The following KDM4C variants were observed in gnomAD, a reference collection of about 807,000 sequenced individuals.
KDM4C encodes lysine-specific demethylase 4C.
Under a neutral mutation model 129.3 loss-of-function variants are expected in KDM4C, and 81 were observed. The ratio of observed to expected loss-of-function variants is 0.63; its 90% CI spans 0.52 to 0.75. KDM4C has a LOEUF of 0.75. KDM4C is among the 30% of genes least tolerant of loss of function. The pLI is 0.00. For missense variants in KDM4C, 1,457 were observed against 1,304.0 expected (o/e 1.12, Z -1.81); for synonymous variants, 573 against 456.1 (o/e 1.26, Z -3.26).
intron 10 of KDM4C, 123 bp from the exon 11 acceptor site, chr9:6,986,221 A>G: frequency 7.8e-6 from 5 of 644,768 alleles, no homozygotes; most frequent in Non-Finnish European, 1.3e-5. Context: ...GTGTGCATGT[A>G]TGTGCATGCG....
chr9:6,901,172 A>G (rs1255629539), intron 8 of KDM4C, among the ~76,000 whole-genome samples: 1 of 152,196 alleles, frequency 6.6e-6, no homozygotes, highest in African/African-American at 2.4e-5. Flanking sequence ...GACGTTTGAG[A>G]GAAGCAGGCT....
intron 13 of KDM4C, among the ~76,000 whole-genome samples, chr9:7,012,388 C>G (rs1822874911): frequency 6.6e-6 from 1 of 152,122 alleles, no homozygotes; most frequent in Admixed American, 6.6e-5. Flanking sequence ...TTACTTTCAA[C>G]TTTTCTATCT....
rs370475585 is a variant in KDM4C at position 7,052,863 on chromosome 9, CAGAGAGAG to C, written c.2424+3694_2424+3701del. 4.1e-4 allele frequency among the ~76,000 whole-genome samples: 17 copies of C among 41,074 alleles called. 1 individual carries two copies. Among genetic ancestry groups the C allele is most frequent in the Non-Finnish European group, 4.2e-4 (8 of 18,994 alleles). 26.9% of individuals were successfully genotyped at this position (41,074 alleles called of 152,430 possible). ...CTAACCAGAGCTCTGGCCACACCTG[CAGAGAGAG>C]AGAGAGAGAGAGAGAGAGAGAGAGA... On this transcript the variant is annotated intron_variant, in intron 17 of 21. Transcript: ENST00000381309.
chr9:7,064,716 C>G (rs545233367), intron 17 of KDM4C, among the ~76,000 whole-genome samples: 2 of 151,964 alleles, frequency 1.3e-5, no homozygotes, highest in Admixed American at 1.3e-4. Context: ...CTCAGAAGAG[C>G]GATATGCTAG....
intron 17 of KDM4C, among the ~76,000 whole-genome samples, chr9:7,066,887 C>A (rs12002543): frequency 6.6e-6 from 1 of 152,108 alleles, no homozygotes; most frequent in African/African-American, 2.4e-5. Flanking sequence ...CCTCTTCTTA[C>A]GTTTCTCAAA....
At chr9:7,121,598 A>G (rs1839492127) in intron 18 of KDM4C, among the ~76,000 whole-genome samples, 1 of 152,126 alleles carries the variant, frequency 6.6e-6, no homozygotes, top group South Asian at 2.1e-4. Flanking sequence ...CAGTTTGGAA[A>G]TTTACCACAG....
At chr9:7,146,406 T>A (rs1842219834) in intron 19 of KDM4C, among the ~76,000 whole-genome samples, 1 of 152,238 alleles carries the variant, frequency 6.6e-6, no homozygotes, top group Non-Finnish European at 1.5e-5. Context: ...CCCCTAATTT[T>A]CCTTATCTAG....
intron 5 of KDM4C, among the ~76,000 whole-genome samples, chr9:6,852,548 C>T (rs146209664): frequency 2.3e-4 from 35 of 152,318 alleles, no homozygotes; most frequent in African/African-American, 7.7e-4. Flanking sequence ...CATGTGGGTG[C>T]GTGTGCACCA....
At chr9:7,162,869 T>A (rs929597869) in intron 19 of KDM4C, among the ~76,000 whole-genome samples, 14 of 151,996 alleles carry the variant, frequency 9.2e-5, no homozygotes, top group Non-Finnish European at 1.5e-4. Context: ...AAGGACCCAA[T>A]AAATAGCATG....
chr9:7,036,837 G>T (rs948351965), intron 15 of KDM4C, among the ~76,000 whole-genome samples: 1 of 152,148 alleles, frequency 6.6e-6, no homozygotes, highest in Non-Finnish European at 1.5e-5. Context: ...AGGGTCTAGA[G>T]CACATCATGG....
intron 8 of KDM4C, among the ~76,000 whole-genome samples, chr9:6,951,216 A>G (rs534387486): frequency 9.7e-4 from 146 of 149,834 alleles, no homozygotes; most frequent in South Asian, 2.3e-3. Context: ...TTGAAATTAT[A>G]TATTTCTATT....
intron 5 of KDM4C, among the ~76,000 whole-genome samples, chr9:6,860,498 A>G (rs1840724578): frequency 6.6e-6 from 1 of 152,236 alleles, no homozygotes; most frequent in South Asian, 2.1e-4. Flanking sequence ...TATCAGATAA[A>G]TAACTACTGG....
At chr9:6,721,234 T>G (rs1467050815) in intron 1 of KDM4C, 1 of 171,670 alleles carries the variant, frequency 5.8e-6, no homozygotes, top group Non-Finnish European at 1.1e-5. Context: ...CCACTATGCC[T>G]GGCTTTTTTT....
intron 8 of KDM4C, chr9:6,924,843 C>T (rs2185464): frequency 0.67 from 657,311 of 980,838 alleles, 221,462 homozygotes; most frequent in African/African-American, 0.69. Flanking sequence ...GAAAATAAGA[C>T]AGGCTGTCCA....
intron 1 of KDM4C, among the ~76,000 whole-genome samples, chr9:6,789,022 G>A (rs1826005889): frequency 6.6e-6 from 1 of 151,886 alleles, no homozygotes; most frequent in African/African-American, 2.4e-5. Context: ...ATAGTAGTTA[G>A]GTGAGGGCCA....
intron 19 of KDM4C, among the ~76,000 whole-genome samples, chr9:7,141,933 A>G (rs1209360616): frequency 6.6e-6 from 1 of 152,164 alleles, no homozygotes; most frequent in Non-Finnish European, 1.5e-5. Context: ...TGGATGTGTC[A>G]TCACACACAC....
intron 8 of KDM4C, 56 bp from the exon 9 acceptor site, chr9:6,980,869 G>T: frequency 1.4e-6 from 2 of 1,470,732 alleles, no homozygotes; most frequent in Non-Finnish European, 1.9e-6. Flanking sequence ...GACCAACTCT[G>T]TGTTACTGTA....
At position 7,049,173 on chromosome 9, in the gene KDM4C, C is replaced by T. The variant is rs1350734746; in HGVS notation, c.2397C>T (p.Gly799=). The change falls in exon 17 of 22, where the codon GGC becomes GGT. Residue 799 remains glycine, a synonymous_variant. Coordinates refer to ENST00000381309, the MANE Select transcript of KDM4C (RefSeq NM_015061.6). ...CAGAAAGGACACAAATAGATGTAGG[C>T]AGAATACCTTTACAGAGGTTAAAAT... ...NVPERTQIDV[G]RIPLQRLKLK... 1.2e-6 allele frequency: 2 copies of T among 1,607,640 alleles called. No homozygotes were observed. The highest frequency in any genetic ancestry group is 2.2e-5 in the South Asian group (2 of 90,886).
rs80167771 is a variant in KDM4C, at chr9:7,129,264, G to A, written c.2781+1028G>A. Among the ~76,000 whole-genome samples the A allele has an allele frequency of 2.0e-3, 302 of 152,204 alleles. 2 individuals carry two copies. The highest frequency in any genetic ancestry group is 6.1e-3 in the African/African-American group (252 of 41,526). On this transcript the variant is annotated intron_variant, in intron 19 of 21. Transcript: ENST00000381309. ...TGCTAAAGACAGTTTCTAGGATTTT[G>A]GTCTCCAGGTGTTGAAGAAACATTG...
Sources: gnomAD v4.1 joint callset for allele counts (sites outside exome capture counted in the v4.1 genomes callset) on GRCh38, gnomAD v4.1.1 for gene constraint, MANE v1.5 for transcripts, NCBI Gene and HGNC (gene_info 2026-07-23, HGNC 2026-07-21) for gene names.